PRDM16: variants seen among roughly 807,000 people sequenced by gnomAD.
PRDM16 encodes the protein histone-lysine N-methyltransferase PRDM16.
PRDM16 carries 23 observed loss-of-function variants against 110.6 expected under a neutral mutation model. That is an observed-to-expected ratio of 0.21 (90% CI 0.15 to 0.29). PRDM16 has a LOEUF of 0.29. PRDM16 is among the 10% of genes least tolerant of loss of function. The probability of loss-of-function intolerance (pLI) is 1.00; values close to 1 mark genes in which losing one functional copy is unlikely to be tolerated. For synonymous variants in PRDM16, 799 were observed against 781.8 expected (o/e 1.02, Z -0.37); for missense variants, 1,615 against 1,794.3 (o/e 0.90, Z 1.81).
intron 3 of PRDM16, among the ~76,000 whole-genome samples, chr1:3,360,127 G>A (rs1036719669): frequency 2.6e-5 from 4 of 152,244 alleles, no homozygotes; most frequent in African/African-American, 7.2e-5. Context: ...ACATGGCGCT[G>A]TAATGCTGAA....
intron 1 of PRDM16, among the ~76,000 whole-genome samples, chr1:3,142,066 A>C (rs1643561349): frequency 6.6e-6 from 1 of 152,236 alleles, no homozygotes; most frequent in Non-Finnish European, 1.5e-5. Context: ...TCCACCCCGC[A>C]GGAGCTGGGA....
intron 3 of PRDM16, among the ~76,000 whole-genome samples, chr1:3,365,434 G>C (rs1642791944): frequency 1.3e-5 from 2 of 152,198 alleles, no homozygotes; most frequent in African/African-American, 4.8e-5. Flanking sequence ...GGGACCTCCT[G>C]GCCAATACAA....
At chr1:3,261,990 A>G (rs1037712186) in intron 3 of PRDM16, among the ~76,000 whole-genome samples, 5 of 152,188 alleles carry the variant, frequency 3.3e-5, no homozygotes, top group African/African-American at 1.2e-4. Context: ...CTGCCCTTGG[A>G]GCTGAATGGA....
At chr1:3,388,413 G>C (rs545530359) in intron 4 of PRDM16, among the ~76,000 whole-genome samples, 6 of 152,292 alleles carry the variant, frequency 3.9e-5, no homozygotes, top group South Asian at 4.1e-4. Context: ...GTAAAACAAC[G>C]TCGAGTTTGC....
intron 4 of PRDM16, among the ~76,000 whole-genome samples, chr1:3,391,896 C>T (rs1643306779): frequency 6.6e-6 from 1 of 152,250 alleles, no homozygotes; most frequent in African/African-American, 2.4e-5. Flanking sequence ...CGCTGCAAAT[C>T]GGGGTGCTGC....
chr1:3,374,636 C>T (rs112505973), intron 3 of PRDM16, among the ~76,000 whole-genome samples: 1,536 of 152,280 alleles, frequency 0.01, 16 homozygotes, highest in Middle Eastern at 0.031. Flanking sequence ...CTGAGACCCT[C>T]CGGAAGGGGG....
chr1:3,312,759 G>T lies in PRDM16; in HGVS notation c.438+68622G>T, dbSNP rs181110759. On this transcript the variant is annotated intron_variant, in intron 3 of 16. Coordinates refer to ENST00000270722, the MANE Select transcript of PRDM16 (RefSeq NM_022114.4). ...GGAGACATTTATGTTGGCTGAGGCGGTATTTTCCTTTTATTGCTGTTATGA... is the reference window on the plus strand; with the variant it reads ...GGAGACATTTATGTTGGCTGAGGCGTTATTTTCCTTTTATTGCTGTTATGA... Among the ~76,000 whole-genome samples the T allele has an allele frequency of 3.6e-3, 553 of 152,374 alleles. 4 individuals are homozygous for T. The highest frequency in any genetic ancestry group is 0.012 in the African/African-American group (480 of 41,596).
intron 3 of PRDM16, among the ~76,000 whole-genome samples, chr1:3,375,743 T>C (rs1642979952): frequency 6.6e-6 from 1 of 152,156 alleles, no homozygotes. Flanking sequence ...TTGAGAAGCT[T>C]GGGCACTGCG....
At chr1:3,325,917 GCCC>G (rs1641881114) in intron 3 of PRDM16, among the ~76,000 whole-genome samples, 1 of 103,140 alleles carries the variant, frequency 9.7e-6, no homozygotes, top group Non-Finnish European at 2.0e-5. Flanking sequence ...GCCCTCCTTG[GCCC>G]TCCTCGGCCC....
At chr1:3,356,765 C>T (rs1219565293) in intron 3 of PRDM16, among the ~76,000 whole-genome samples, 3 of 152,270 alleles carry the variant, frequency 2.0e-5, no homozygotes, top group East Asian at 3.9e-4. Flanking sequence ...AAGGTGGGCA[C>T]GGGACAGATC....
In PRDM16 at chr1:3,213,154, G is replaced by A. The variant is rs528528478; in HGVS notation, c.387+26680G>A. ...CAACTCCTCTGCCAAAAAAGGAAAT[G>A]CCACCGCCAACAGCAACAGAAACAC... is the stretch of plus-strand genomic sequence containing the variant. On this transcript the variant is annotated intron_variant, in intron 2 of 16. Coordinates refer to ENST00000270722, the MANE Select transcript of PRDM16 (RefSeq NM_022114.4). The surrounding 1 kb of genome is among the most constrained non-coding windows in gnomAD (Gnocchi z 5.3). 1.5e-3 allele frequency among the ~76,000 whole-genome samples: 231 copies of A among 152,322 alleles called. 2 individuals are homozygous for A. The highest frequency in any genetic ancestry group is 5.1e-3 in the African/African-American group (214 of 41,570).
rs573273381 is a variant in PRDM16 at position 3,157,066 on chromosome 1, G to A, written c.38-29059G>A. 7.9e-5 allele frequency among the ~76,000 whole-genome samples: 12 copies of A among 152,284 alleles called. No homozygotes were observed. In the South Asian group the frequency reaches 1.9e-3, roughly 24 times the overall value. On this transcript the variant is annotated intron_variant, in intron 1 of 16. Coordinates refer to ENST00000270722, the MANE Select transcript of PRDM16 (RefSeq NM_022114.4). The surrounding 1 kb of genome is among the most constrained non-coding windows in gnomAD (Gnocchi z 4.8). The stretch of plus-strand genomic sequence containing the variant: ...GCACGAGGGCCAAGAGGTGACCGCC[G>A]GCCAGAACCAGCCGTGGCTGCCCAG...
At chr1:3,092,571 G>A (rs1421497478) in intron 1 of PRDM16, among the ~76,000 whole-genome samples, 11 of 152,348 alleles carry the variant, frequency 7.2e-5, no homozygotes, top group African/African-American at 2.2e-4. Context: ...TCTGGTCAGC[G>A]AGTGGGAAAT....
chr1:3,290,346 G>T lies in PRDM16; in HGVS notation c.438+46209G>T, dbSNP rs1032804770. 6.6e-6 allele frequency among the ~76,000 whole-genome samples: 1 copy of T among 152,206 alleles called. No individual in the cohort carries two copies. The highest frequency in any genetic ancestry group is 1.5e-5 in the Non-Finnish European group (1 of 68,038). On this transcript the variant is annotated intron_variant, in intron 3 of 16. Coordinates refer to ENST00000270722, the MANE Select transcript of PRDM16 (RefSeq NM_022114.4). The surrounding 1 kb of genome is among the most constrained non-coding windows in gnomAD (Gnocchi z 4.8). ...CCTTCCATGCTCAAAATGGCTGGAAGAGGAGAGCCTCTCAGTATCCCCACC... is the reference window on the plus strand; with the variant it reads ...CCTTCCATGCTCAAAATGGCTGGAATAGGAGAGCCTCTCAGTATCCCCACC...
intron 2 of PRDM16, among the ~76,000 whole-genome samples, chr1:3,212,589 C>CT (rs1638913224): frequency 1.2e-5 from 1 of 84,872 alleles, no homozygotes; most frequent in African/African-American, 1.1e-4. Context: ...GAATGGAGGC[C>CT]CCCGCTCATC....
intron 2 of PRDM16, among the ~76,000 whole-genome samples, chr1:3,198,919 C>A (rs368768822): frequency 6.6e-6 from 1 of 152,224 alleles, no homozygotes; most frequent in Admixed American, 6.5e-5. Context: ...GGCTTATCAG[C>A]ACCGTAATTT....
chr1:3,167,608 CTCTGTG>C (rs1643975495), intron 1 of PRDM16, among the ~76,000 whole-genome samples: 2 of 118,200 alleles, frequency 1.7e-5, no homozygotes, highest in Admixed American at 1.7e-4. Flanking sequence ...CTCCCAGCAC[CTCTGTG>C]ACATTGCCCC....
rs140561619 is a variant in PRDM16 at position 3,325,351 on chromosome 1, T to A, written c.439-59801T>A. Among the ~76,000 whole-genome samples the A allele has an allele frequency of 1.3e-4, 20 of 152,274 alleles. No homozygotes were observed. The East Asian group carries it at 3.9e-3, about 29-fold the overall frequency. ...CAGAGAGCCAGCTCAGGCCTGAGCATCAGCTCTCTCTGGGAGATGAACGCA... is the reference window on the plus strand; with the variant it reads ...CAGAGAGCCAGCTCAGGCCTGAGCAACAGCTCTCTCTGGGAGATGAACGCA... On this transcript the variant is annotated intron_variant, in intron 3 of 16. Transcript: ENST00000270722.
intron 15 of PRDM16, 140 bp downstream of exon 15, chr1:3,431,248 C>T (rs1638759928): frequency 3.6e-6 from 5 of 1,375,052 alleles, no homozygotes; most frequent in African/African-American, 2.9e-5. Context: ...AGGGCCTCCA[C>T]ACACAGGCCA....
Sources: allele counts gnomAD v4.1 joint callset (sites outside exome capture counted in the v4.1 genomes callset), GRCh38; gene constraint gnomAD v4.1.1; non-coding constraint Gnocchi (gnomAD v3.1); transcripts MANE v1.5; gene names NCBI Gene and HGNC (gene_info 2026-07-23, HGNC 2026-07-21).